PDE7B: variants seen among roughly 807,000 people sequenced by gnomAD.
PDE7B encodes the protein phosphodiesterase 7B.
PDE7B carries 29 observed loss-of-function variants against 56.2 expected under a neutral mutation model. The ratio of observed to expected loss-of-function variants is 0.52; its 90% confidence interval spans 0.38 to 0.70. The LOEUF is 0.70. PDE7B is among the 30% of genes least tolerant of loss of function. The pLI is 0.00. For synonymous variants in PDE7B, 197 were observed against 196.9 expected (o/e 1.00, Z 0.00); for missense variants, 490 against 565.0 (o/e 0.87, Z 1.35).
At chr6:135,922,770 C>T (rs1238202771) in intron 1 of PDE7B, among the ~76,000 whole-genome samples, 1 of 152,128 alleles carries the variant, frequency 6.6e-6, no homozygotes, top group African/African-American at 2.4e-5. Context: ...TATGTTAAGT[C>T]AGTGTAATAG....
chr6:136,124,776 A>G (rs1350966685), intron 3 of PDE7B, among the ~76,000 whole-genome samples: 1 of 152,248 alleles, frequency 6.6e-6, no homozygotes, highest in East Asian at 1.9e-4. Flanking sequence ...ATTCAAAATG[A>G]CTTGTTGCTA....
intron 2 of PDE7B, among the ~76,000 whole-genome samples, chr6:135,955,016 T>C (rs1333800196): frequency 6.6e-6 from 1 of 152,146 alleles, no homozygotes; most frequent in Non-Finnish European, 1.5e-5. Flanking sequence ...AGTGTCAGTC[T>C]TGTATTGAGT....
chr6:135,858,823 G>T (rs952971653), intron 1 of PDE7B, among the ~76,000 whole-genome samples: 1 of 152,102 alleles, frequency 6.6e-6, no homozygotes, highest in Non-Finnish European at 1.5e-5. Flanking sequence ...TTTTAGAATT[G>T]ATCAGTTCAG....
At chr6:135,898,459 C>G (rs1163659742) in intron 1 of PDE7B, among the ~76,000 whole-genome samples, 1 of 151,884 alleles carries the variant, frequency 6.6e-6, no homozygotes, top group Non-Finnish European at 1.5e-5. Flanking sequence ...CCCCCAGAGA[C>G]AGAATATTTT....
intron 3 of PDE7B, among the ~76,000 whole-genome samples, chr6:136,143,407 G>A (rs1275774848): frequency 6.6e-6 from 1 of 151,800 alleles, no homozygotes; most frequent in Non-Finnish European, 1.5e-5. Flanking sequence ...TCAGGGGAAT[G>A]AGGCACTAGC....
At chr6:135,900,196 T>C (rs935285016) in intron 1 of PDE7B, among the ~76,000 whole-genome samples, 1 of 152,124 alleles carries the variant, frequency 6.6e-6, no homozygotes, top group African/African-American at 2.4e-5. Flanking sequence ...TAAAATTTAA[T>C]ATCTCGGGGG....
intron 3 of PDE7B, among the ~76,000 whole-genome samples, chr6:136,130,703 G>A (rs773772442): frequency 2.6e-5 from 4 of 152,116 alleles, no homozygotes; most frequent in Non-Finnish European, 5.9e-5. Flanking sequence ...TCTTGTATGA[G>A]TCCGTTTTCA....
At chr6:135,900,277 G>T (rs1775976865) in intron 1 of PDE7B, among the ~76,000 whole-genome samples, 1 of 151,694 alleles carries the variant, frequency 6.6e-6, no homozygotes, top group Admixed American at 6.6e-5. Context: ...GCTATGTCTT[G>T]GTCATTGCTC....
Position 136,192,711 on chromosome 6 carries a change from C to CT in PDE7B, c.*872dup, listed in dbSNP as rs1391288651. On this transcript the variant is annotated 3_prime_UTR_variant, in exon 13 of 13. Coordinates refer to ENST00000308191, the MANE Select transcript of PDE7B (RefSeq NM_018945.4). ...ATTGCTACCTGTATAAACAATGGCA[C>CT]TGTGAAAATACTGTTAGTTTTAATA... 97 of 152,742 alleles carry CT rather than the reference C, an allele frequency of 6.4e-4. 1 individual carries two copies. Among genetic ancestry groups the CT allele is most frequent in the African/African-American group, 2.3e-3 (94 of 41,562 alleles). 9.5% of individuals were successfully genotyped at this position (152,742 alleles called of 1,614,324 possible).
At chr6:135,957,942 G>A (rs1774826894) in intron 2 of PDE7B, among the ~76,000 whole-genome samples, 1 of 151,982 alleles carries the variant, frequency 6.6e-6, no homozygotes, top group Admixed American at 6.6e-5. Flanking sequence ...CATCAAAACT[G>A]CCTCTTCCAG....
At chr6:135,928,686 A>G (rs901609914) in intron 1 of PDE7B, among the ~76,000 whole-genome samples, 8 of 151,176 alleles carry the variant, frequency 5.3e-5, no homozygotes, top group Middle Eastern at 3.4e-3. Flanking sequence ...CCATTATCCT[A>G]AGTGAACTAA....
chr6:135,871,296 A>G (rs1258160763), intron 1 of PDE7B, among the ~76,000 whole-genome samples: 1 of 152,226 alleles, frequency 6.6e-6, no homozygotes, highest in African/African-American at 2.4e-5. Flanking sequence ...TTCCATGGAC[A>G]CTGTACTATT....
intron 1 of PDE7B, among the ~76,000 whole-genome samples, chr6:135,874,255 C>G (rs546415401): frequency 2.6e-5 from 4 of 152,254 alleles, no homozygotes; most frequent in Admixed American, 1.3e-4. Context: ...ATCTCTCTGT[C>G]TGCTTCATTA....
rs563345806 is a variant in PDE7B, at chr6:135,890,377, G to A, written c.21+38358G>A. Among the ~76,000 whole-genome samples, 14 of 152,204 alleles carry A rather than the reference G, an allele frequency of 9.2e-5. No individual in the cohort carries two copies. In the South Asian group the frequency reaches 1.7e-3, roughly 18 times the overall value. ...AGAGCCACATGCAGATTGTTTGTGC[G>A]TTCAAACTGGTCAAAGTTGCGGACC... On this transcript the variant is annotated intron_variant, in intron 1 of 12. Coordinates refer to ENST00000308191, the MANE Select transcript of PDE7B (RefSeq NM_018945.4).
At chr6:136,131,485 T>C (rs1778115415) in intron 3 of PDE7B, among the ~76,000 whole-genome samples, 1 of 145,606 alleles carries the variant, frequency 6.9e-6, no homozygotes, top group Non-Finnish European at 1.5e-5. Context: ...TCCCTGTGCA[T>C]CCTGGCAGGT....
intron 3 of PDE7B, among the ~76,000 whole-genome samples, chr6:136,139,131 C>T (rs1471989656): frequency 6.6e-6 from 1 of 152,102 alleles, no homozygotes; most frequent in Non-Finnish European, 1.5e-5. Context: ...CCCCCGACGC[C>T]ACAACAGGCC....
chr6:135,927,736 AT>A (rs1344653364), intron 1 of PDE7B, among the ~76,000 whole-genome samples: 1 of 152,202 alleles, frequency 6.6e-6, no homozygotes, highest in African/African-American at 2.4e-5. Context: ...TCAGCAAAGA[AT>A]TTATGACTAA....
In PDE7B at chr6:136,089,445, G is replaced by C. The variant is rs185139385; in HGVS notation, c.83-19286G>C. ...AAGTGCTTCTACCTCCTGCAATTTG[G>C]TCCATTTCTCCAGCTCCCATCTCAG... On this transcript the variant is annotated intron_variant, in intron 2 of 12. Transcript: ENST00000308191. Among the ~76,000 whole-genome samples the C allele has an allele frequency of 3.3e-5, 5 of 152,304 alleles. No individual in the cohort carries two copies. In the East Asian group the frequency reaches 9.6e-4, roughly 29 times the overall value.
intron 1 of PDE7B, among the ~76,000 whole-genome samples, chr6:135,940,200 C>T (rs1468023166): frequency 6.6e-6 from 1 of 152,186 alleles, no homozygotes; most frequent in African/African-American, 2.4e-5. Context: ...GCCCAGACAG[C>T]TACCTATGCC....
Sources: gnomAD v4.1 joint callset for allele counts (sites outside exome capture counted in the v4.1 genomes callset) on GRCh38, gnomAD v4.1.1 for gene constraint, MANE v1.5 for transcripts, NCBI Gene and HGNC (gene_info 2026-07-23, HGNC 2026-07-21) for gene names.